The following VAPA variants were observed in gnomAD, a reference collection of about 807,000 sequenced individuals.
VAPA encodes VAMP associated protein A.
VAPA carries 6 observed loss-of-function variants against 25.6 expected under a neutral mutation model. The ratio of observed to expected loss-of-function variants is 0.23; its 90% CI spans 0.13 to 0.46. The LOEUF (loss-of-function observed/expected upper bound fraction) is 0.46. VAPA is among the 20% of genes least tolerant of loss of function. The probability of loss-of-function intolerance (pLI) is 0.99; values close to 1 mark genes in which losing one functional copy is unlikely to be tolerated. For synonymous variants in VAPA, 112 were observed against 106.2 expected (o/e 1.05, Z -0.34); for missense variants, 244 against 302.1 (o/e 0.81, Z 1.43).
intron 4 of VAPA, chr18:9,944,885 C>T (rs79383683): frequency 1.8e-5 from 29 of 1,601,882 alleles, no homozygotes; most frequent in East Asian, 4.5e-5. Flanking sequence ...AATCAGAGTT[C>T]GGTGAGAATC....
chr18:9,944,999 A>G (rs2143406500), intron 4 of VAPA: 3 of 1,614,214 alleles, frequency 1.9e-6, no homozygotes, highest in Non-Finnish European at 2.5e-6. Flanking sequence ...AACACCTGCC[A>G]GTTATCACAC....
At chr18:9,922,957 C>T (rs2143297647) in intron 1 of VAPA, among the ~76,000 whole-genome samples, 1 of 152,220 alleles carries the variant, frequency 6.6e-6, no homozygotes, top group African/African-American at 2.4e-5. Context: ...TATTCTTTAA[C>T]ATTTCACTTT....
chr18:9,914,431 G>C, intron 1 of VAPA, 96 bp downstream of exon 1: 2 of 1,111,852 alleles, frequency 1.8e-6, no homozygotes, highest in Non-Finnish European at 2.4e-6. Context: ...GCCCTGGCCC[G>C]AGGGAGCGCC....
At chr18:9,951,673 G>C (rs1000446907) in intron 5 of VAPA, among the ~76,000 whole-genome samples, 1 of 152,222 alleles carries the variant, frequency 6.6e-6, no homozygotes, top group African/African-American at 2.4e-5. Context: ...TTTGTTTGAA[G>C]CTCTTTGCAG....
At chr18:9,950,793 C>T in intron 5 of VAPA, 1 of 481,524 alleles carries the variant, frequency 2.1e-6, no homozygotes, top group Non-Finnish European at 3.7e-6. Context: ...TATTTGTGAT[C>T]TGGCCTGCAG....
chr18:9,944,331 G>T (rs2069399199), intron 4 of VAPA, among the ~76,000 whole-genome samples: 1 of 152,068 alleles, frequency 6.6e-6, no homozygotes, highest in Non-Finnish European at 1.5e-5. Context: ...AGTATAATTA[G>T]GGAATCCCTT....
intron 1 of VAPA, chr18:9,914,967 G>A: frequency 6.6e-6 from 1 of 151,886 alleles, no homozygotes; most frequent in Middle Eastern, 3.4e-3. Context: ...TTTCCGCCAG[G>A]TTTAGAACTC....
Position 9,958,425 on chromosome 18 carries a change from TGAAA to T in VAPA, c.*4217_*4220del, listed in dbSNP as rs2069572589. Reference sequence around the variant, plus strand: ...TTGTTGCTATGTATAACACCCATCTTGAAAGAGAGTATATAGGAAGTTATTCAGA... The same window carrying T: ...TTGTTGCTATGTATAACACCCATCTTGAGAGTATATAGGAAGTTATTCAGA... On this transcript the variant is annotated 3_prime_UTR_variant, in exon 6 of 6. Coordinates refer to ENST00000400000, the MANE Select transcript of VAPA (RefSeq NM_194434.3). 1 of 152,242 alleles carries T rather than the reference TGAAA, an allele frequency of 6.6e-6. No individual in the cohort carries two copies. Among genetic ancestry groups the T allele is most frequent in the African/African-American group, 2.4e-5 (1 of 41,460 alleles). The allele number at this position is 152,242 out of a possible 1,614,324, so 9.4% of individuals were successfully genotyped here. A position where few individuals can be genotyped will look rare whatever the true frequency, so the allele number is the denominator to read the frequency against.
chr18:9,945,463 G>A (rs947899735), intron 4 of VAPA, among the ~76,000 whole-genome samples: 2 of 142,336 alleles, frequency 1.4e-5, no homozygotes, highest in African/African-American at 2.6e-5. Context: ...CGGTTCAAGG[G>A]ATTCTCCCAC....
intron 4 of VAPA, chr18:9,949,888 A>G (rs539072871): frequency 2.6e-5 from 4 of 153,984 alleles, no homozygotes; most frequent in Admixed American, 2.0e-4. Context: ...AAGATGACAA[A>G]TTAATAGAAG....
At chr18:9,915,951 C>G (rs2069108639) in intron 1 of VAPA, 1 of 151,646 alleles carries the variant, frequency 6.6e-6, no homozygotes, top group Non-Finnish European at 1.5e-5. Flanking sequence ...CAGCCATTAT[C>G]TTGAGATAAT....
intron 1 of VAPA, among the ~76,000 whole-genome samples, chr18:9,917,027 T>G (rs892140478): frequency 3.3e-5 from 5 of 152,108 alleles, no homozygotes; most frequent in African/African-American, 1.2e-4. Flanking sequence ...CCTCAGTATT[T>G]AAAAAAAAGT....
intron 4 of VAPA, chr18:9,944,974 C>G (rs2069406460): frequency 6.2e-7 from 1 of 1,614,146 alleles, no homozygotes; most frequent in Non-Finnish European, 8.5e-7. Context: ...TGAGCAGCAT[C>G]AACAACACAG....
intron 1 of VAPA, chr18:9,915,843 C>G (rs1456808674): frequency 6.6e-6 from 1 of 152,136 alleles, no homozygotes. Context: ...TTTTAAGGTG[C>G]AGTGAATGTA....
intron 4 of VAPA, among the ~76,000 whole-genome samples, chr18:9,943,629 T>C (rs1369834379): frequency 1.3e-5 from 2 of 152,178 alleles, no homozygotes; most frequent in South Asian, 4.1e-4. Context: ...GATTGTCAGC[T>C]CTGTATATAC....
chr18:9,937,217 C>A, intron 4 of VAPA, 151 bp downstream of exon 4: 1 of 207,752 alleles, frequency 4.8e-6, no homozygotes, highest in Non-Finnish European at 7.5e-6. Flanking sequence ...ACTTGGTATG[C>A]CTTTTTTTTT....
chr18:9,935,751 G>C (rs1161597715), intron 2 of VAPA, among the ~76,000 whole-genome samples: 5 of 152,158 alleles, frequency 3.3e-5, no homozygotes, highest in African/African-American at 1.2e-4. Flanking sequence ...CGTTGGCAAA[G>C]TTTTGAAAAT....
At chr18:9,933,946 G>A (rs1331073579) in intron 2 of VAPA, among the ~76,000 whole-genome samples, 1 of 152,146 alleles carries the variant, frequency 6.6e-6, no homozygotes, top group Admixed American at 6.5e-5. Flanking sequence ...TCTTTGAGGG[G>A]CCTAGATTGC....
rs371506709 is a variant in VAPA at position 9,954,038 on chromosome 18, G to A, written c.592-15G>A. 2.7e-5 allele frequency: 44 copies of A among 1,612,926 alleles called. No individual in the cohort carries two copies. The African/African-American group carries it at 5.7e-4, about 21-fold the overall frequency. ...TTGTTTTTAAAAACCTTTTGTGTGT[G>A]TGTTTTTTTTCTAGGATGAAGGTTT... On this transcript the variant is annotated splice_polypyrimidine_tract_variant and intron_variant, in intron 5 of 5. Coordinates refer to ENST00000400000, the MANE Select transcript of VAPA (RefSeq NM_194434.3).
Sources: gnomAD v4.1 joint callset for allele counts (sites outside exome capture counted in the v4.1 genomes callset) on GRCh38, gnomAD v4.1.1 for gene constraint, MANE v1.5 for transcripts, NCBI Gene and HGNC (gene_info 2026-07-23, HGNC 2026-07-21) for gene names.